PDE1C: variants seen among roughly 807,000 people sequenced by gnomAD.
PDE1C encodes the protein dual specificity calcium/calmodulin-dependent 3',5'-cyclic nucleotide phosphodiesterase 1C.
Under a neutral mutation model 93.1 loss-of-function variants are expected in PDE1C, and 62 were observed. That is an observed-to-expected ratio of 0.67 (90% CI 0.54 to 0.82). PDE1C has a LOEUF of 0.82. Among genes scored for constraint, PDE1C ranks in the 40% least tolerant of loss-of-function variants. The pLI is 0.00. For synonymous variants in PDE1C, 325 were observed against 310.1 expected (o/e 1.05, Z -0.50); for missense variants, 742 against 884.6 (o/e 0.84, Z 2.04).
chr7:32,135,750 C>A (rs1207200916), intron 3 of PDE1C, among the ~76,000 whole-genome samples: 1 of 152,180 alleles, frequency 6.6e-6, no homozygotes, highest in Non-Finnish European at 1.5e-5. Context: ...ACCCAGCAAT[C>A]CCACTTCTAT....
intron 17 of PDE1C, among the ~76,000 whole-genome samples, chr7:31,757,014 A>G (rs548561578): frequency 2.2e-4 from 33 of 152,314 alleles, no homozygotes; most frequent in African/African-American, 7.9e-4. Context: ...TTCCAATAAC[A>G]GGGACATGCA....
chr7:32,272,664 T>C (rs1811044708), intron 1 of PDE1C, among the ~76,000 whole-genome samples: 1 of 152,218 alleles, frequency 6.6e-6, no homozygotes, highest in Non-Finnish European at 1.5e-5. Flanking sequence ...TTGGGTGCAA[T>C]GGACCCAGTC....
At chr7:32,008,727 TGTTA>T (rs1303234807) in intron 2 of PDE1C, among the ~76,000 whole-genome samples, 1 of 152,194 alleles carries the variant, frequency 6.6e-6, no homozygotes, top group East Asian at 1.9e-4. Context: ...ACATCTGCAC[TGTTA>T]GTGAACTGAA....
chr7:32,295,255 G>A (rs1260931246), intron 1 of PDE1C, among the ~76,000 whole-genome samples: 1 of 152,182 alleles, frequency 6.6e-6, no homozygotes, highest in Non-Finnish European at 1.5e-5. Flanking sequence ...GCTGCAGAAT[G>A]ATGGGCTAGT....
the PDE1C span, among the ~76,000 whole-genome samples, chr7:31,663,343 T>A: frequency 1.3e-5 from 2 of 152,316 alleles, no homozygotes; most frequent in African/African-American, 4.8e-5. Context: ...GTAATGCCAT[T>A]CGTTACCAGT....
upstream of PDE1C, among the ~76,000 whole-genome samples, chr7:32,071,730 C>T (rs926655883): frequency 3.9e-5 from 6 of 152,034 alleles, no homozygotes; most frequent in African/African-American, 9.7e-5. Flanking sequence ...TCTGGAAGAA[C>T]GGGACCAGGT....
At chr7:32,043,184 G>A (rs1466944075) in intron 2 of PDE1C, among the ~76,000 whole-genome samples, 1 of 152,072 alleles carries the variant, frequency 6.6e-6, no homozygotes, top group Non-Finnish European at 1.5e-5. Flanking sequence ...CATCAATAGT[G>A]CCATGGTTAA....
chr7:31,722,871 T>G, the PDE1C span, among the ~76,000 whole-genome samples: 2 of 152,164 alleles, frequency 1.3e-5, no homozygotes, highest in African/African-American at 4.8e-5. Flanking sequence ...TCGTTTTCAG[T>G]TTTTCTAGTG....
In PDE1C at chr7:31,978,832, G is replaced by C. The variant is rs576579274; in HGVS notation, c.128+72722C>G. ...CATCCATCTGCGGGTTTCTGGAGGT[G>C]GGGGGAGCCAATGGTCTCAGACTTT... is the stretch of plus-strand genomic sequence containing the variant. On this transcript the variant is annotated intron_variant, in intron 2 of 17. Transcript: ENST00000396191. Among the ~76,000 whole-genome samples the C allele has an allele frequency of 4.6e-5, 7 of 151,984 alleles. No individual in the cohort carries two copies. The East Asian group carries it at 7.7e-4, about 17-fold the overall frequency.
intron 1 of PDE1C, among the ~76,000 whole-genome samples, chr7:32,350,566 A>AGTTTTTTTTTTTTTTT (rs1562686460): frequency 1.1e-3 from 1 of 880 alleles, no homozygotes. Context: ...ATATATATAT[A>AGTTTTTTTTTTTTTTT]TATATATATA....
At chr7:32,135,787 GA>G (rs1800170782) in intron 3 of PDE1C, among the ~76,000 whole-genome samples, 1 of 152,136 alleles carries the variant, frequency 6.6e-6, no homozygotes, top group South Asian at 2.1e-4. Flanking sequence ...CAAAGAAAAT[GA>G]AATTCATATC....
intron 1 of PDE1C, among the ~76,000 whole-genome samples, chr7:32,326,613 G>A (rs753954816): frequency 6.6e-6 from 1 of 152,158 alleles, no homozygotes; most frequent in Non-Finnish European, 1.5e-5. Context: ...GTAATGTTCA[G>A]GTCACTGGTT....
At chr7:32,119,706 C>A (rs1004069084) in intron 3 of PDE1C, among the ~76,000 whole-genome samples, 3 of 152,176 alleles carry the variant, frequency 2.0e-5, no homozygotes, top group African/African-American at 7.2e-5. Flanking sequence ...GCCCCCACCC[C>A]CTAGCCAAGG....
chr7:31,849,416 A>G (rs762453677), intron 8 of PDE1C, among the ~76,000 whole-genome samples: 4 of 152,172 alleles, frequency 2.6e-5, no homozygotes, highest in Non-Finnish European at 5.9e-5. Flanking sequence ...TTGGAACACA[A>G]CCACAAAAAG....
At chr7:32,123,964 G>A (rs531156114) in intron 3 of PDE1C, among the ~76,000 whole-genome samples, 109 of 152,142 alleles carry the variant, frequency 7.2e-4, no homozygotes, top group African/African-American at 2.5e-3. Context: ...CCCCACCATC[G>A]CAGCCCAAAA....
intron 1 of PDE1C, among the ~76,000 whole-genome samples, chr7:32,222,657 T>G (rs1806959458): frequency 6.6e-6 from 1 of 152,194 alleles, no homozygotes; most frequent in Admixed American, 6.5e-5. Context: ...AAGAATAATC[T>G]GTCTGAATTT....
chr7:31,628,778 C>T, the PDE1C span, among the ~76,000 whole-genome samples: 1 of 152,102 alleles, frequency 6.6e-6, no homozygotes, highest in Non-Finnish European at 1.5e-5. Context: ...TTGATGGAAA[C>T]TTTAGTTCTT....
At chr7:32,417,670 T>TAAAAAA (rs200338870) in intron 1 of PDE1C, among the ~76,000 whole-genome samples, 10 of 112,398 alleles carry the variant, frequency 8.9e-5, no homozygotes, top group African/African-American at 3.0e-4. Flanking sequence ...CCCAATTTAG[T>TAAAAAA]AAAAAAAAAA....
the PDE1C span, among the ~76,000 whole-genome samples, chr7:31,714,320 A>T: frequency 6.6e-6 from 1 of 152,112 alleles, no homozygotes; most frequent in South Asian, 2.1e-4. Flanking sequence ...CTAGTTCCTC[A>T]TCTCCATCTC....
Sources: allele counts gnomAD v4.1 joint callset (sites outside exome capture counted in the v4.1 genomes callset), GRCh38; gene constraint gnomAD v4.1.1; transcripts MANE v1.5; gene names NCBI Gene and HGNC (gene_info 2026-07-23, HGNC 2026-07-21).